MAPK10: variants seen among roughly 807,000 people sequenced by gnomAD.
MAPK10 encodes mitogen-activated protein kinase 10.
Under a neutral mutation model 59.3 loss-of-function variants are expected in MAPK10, and 25 were observed. The ratio of observed to expected loss-of-function variants is 0.42; its 90% CI spans 0.31 to 0.59. MAPK10 has a LOEUF of 0.59. Among genes scored for constraint, MAPK10 ranks in the 20% least tolerant of loss-of-function variants. The probability of loss-of-function intolerance (pLI) is 0.15; values close to 1 mark genes in which losing one functional copy is unlikely to be tolerated. For missense variants in MAPK10, 351 were observed against 568.9 expected (o/e 0.62, Z 3.90); for synonymous variants, 190 against 200.5 (o/e 0.95, Z 0.44).
intron 2 of MAPK10, among the ~76,000 whole-genome samples, chr4:86,300,315 C>T (rs879813768): frequency 1.2e-4 from 18 of 152,160 alleles, no homozygotes; most frequent in Admixed American, 1.2e-3. Flanking sequence ...GATCAGTATT[C>T]CCTTCTTAAT....
chr4:86,408,362 C>A (rs979195067), intron 1 of MAPK10, among the ~76,000 whole-genome samples: 2 of 152,126 alleles, frequency 1.3e-5, no homozygotes, highest in African/African-American at 2.4e-5. Flanking sequence ...AATAAACATA[C>A]ATGTGCACAT....
chr4:86,431,014 T>C (rs1383311066), intron 1 of MAPK10, among the ~76,000 whole-genome samples: 4 of 151,098 alleles, frequency 2.6e-5, no homozygotes, highest in Admixed American at 2.0e-4. Flanking sequence ...AAGAAGGCTA[T>C]TGCAATGGCT....
chr4:86,029,931 ATGCTAGAGTTAAATTGGATAGTTTCAGT>A (rs2038583066), intron 12 of MAPK10, among the ~76,000 whole-genome samples: 3 of 151,876 alleles, frequency 2.0e-5, no homozygotes, highest in Admixed American at 2.0e-4. Context: ...GGCTTTCTGA[ATGCTAGAGTTAAATTGGATAGTTTCAGT>A]TCTGTTTACT....
chr4:86,071,892 T>C (rs1206828101), intron 9 of MAPK10, among the ~76,000 whole-genome samples: 12 of 137,886 alleles, frequency 8.7e-5, no homozygotes, highest in Non-Finnish European at 1.7e-4. Context: ...TTTGGTTCCA[T>C]ATGAACTTTA....
At chr4:86,464,047 A>C (rs1579307003) in intron 1 of MAPK10, among the ~76,000 whole-genome samples, 1 of 152,328 alleles carries the variant, frequency 6.6e-6, no homozygotes, top group Middle Eastern at 3.4e-3. Context: ...GGGAGAACTC[A>C]GATTGTTAAA....
chr4:86,059,420 A>G (rs564324855), intron 11 of MAPK10, among the ~76,000 whole-genome samples: 18 of 152,366 alleles, frequency 1.2e-4, no homozygotes, highest in East Asian at 9.6e-4. Flanking sequence ...TACATTATAA[A>G]CAAACAGTAA....
At chr4:86,507,173 T>C (rs1479406154) in intron 1 of MAPK10, among the ~76,000 whole-genome samples, 2 of 151,348 alleles carry the variant, frequency 1.3e-5, no homozygotes, top group Non-Finnish European at 2.9e-5. Flanking sequence ...CCAATAAAAA[T>C]AGATTAAAAG....
rs770222842 is a variant in MAPK10 at position 86,194,383 on chromosome 4, A to G, written c.19T>C (p.Tyr7His). 2.2e-5 allele frequency: 36 copies of G among 1,611,230 alleles called. No individual in the cohort carries two copies. The Middle Eastern group carries it at 1.3e-3, about 59-fold the overall frequency. Residue 7 changes from tyrosine to histidine, a missense_variant, in exon 3 of 14, where the codon TAC (tyrosine) becomes CAC (histidine). Transcript: ENST00000641462. Reference protein sequence around the residue: MSLHFLYYCSEPTLDVK... With the variant: MSLHFLHYCSEPTLDVK... ...TCCAATGTTGGTTCACTGCAGTAGT[A>G]TAAGAAATGGAGGCTCATAAATACC...
At chr4:86,365,431 C>CAAAAAAAATAAAAAA (rs1737692473) in intron 1 of MAPK10, among the ~76,000 whole-genome samples, 2 of 32,438 alleles carry the variant, frequency 6.2e-5, no homozygotes, top group African/African-American at 1.2e-4. Context: ...GACTCTGTCT[C>CAAAAAAAATAAAAAA]AAAAAAAAAA....
At chr4:86,220,996 T>G (rs2089397503) in intron 2 of MAPK10, among the ~76,000 whole-genome samples, 1 of 150,060 alleles carries the variant, frequency 6.7e-6, no homozygotes, top group African/African-American at 2.5e-5. Context: ...ATGAACATCT[T>G]TTGGTACGTT....
intron 2 of MAPK10, among the ~76,000 whole-genome samples, chr4:86,349,075 G>A (rs184643111): frequency 1.3e-5 from 2 of 152,264 alleles, no homozygotes; most frequent in Admixed American, 1.3e-4. Context: ...GTTTGTTTAG[G>A]AAAGTAAGGC....
rs1335256166 is a variant in MAPK10, at chr4:86,074,555, C to T, written c.803-6600G>A. ...ACTGGTTGTTCCTTTCCATGTTTAG[C>T]GCTTCCTTCAGGAGCTCTTTTAGGG... is the stretch of plus-strand genomic sequence containing the variant. On this transcript the variant is annotated intron_variant, in intron 9 of 13. Coordinates refer to ENST00000641462, the MANE Select transcript of MAPK10 (RefSeq NM_138982.4). Among the ~76,000 whole-genome samples, 63 of 126,662 alleles carry T rather than the reference C, an allele frequency of 5.0e-4. 1 individual carries two copies. Among genetic ancestry groups the T allele is most frequent in the Admixed American group, 4.2e-3 (57 of 13,464 alleles). The allele number at this position is 126,662 out of a possible 152,430, so 83.1% of individuals were successfully genotyped here. A position where few individuals can be genotyped will look rare whatever the true frequency, so the allele number is the denominator to read the frequency against.
At chr4:86,298,105 T>C (rs1317721543) in intron 2 of MAPK10, among the ~76,000 whole-genome samples, 1 of 152,202 alleles carries the variant, frequency 6.6e-6, no homozygotes, top group Non-Finnish European at 1.5e-5. Flanking sequence ...GTAAGACTCT[T>C]GGATGTCCAT....
intron 1 of MAPK10, among the ~76,000 whole-genome samples, chr4:86,571,679 A>G (rs1266034301): frequency 6.6e-6 from 1 of 152,130 alleles, no homozygotes; most frequent in African/African-American, 2.4e-5. Context: ...GAAATCAAGG[A>G]GAGAAAAGAC....
At chr4:86,589,778 G>A (rs1762894378) in intron 1 of MAPK10, among the ~76,000 whole-genome samples, 1 of 151,424 alleles carries the variant, frequency 6.6e-6, no homozygotes, top group African/African-American at 2.4e-5. Context: ...AGCCAGAATC[G>A]TTTACAAAGA....
intron 2 of MAPK10, among the ~76,000 whole-genome samples, chr4:86,304,203 G>T (rs1186489394): frequency 6.6e-6 from 1 of 152,088 alleles, no homozygotes; most frequent in Non-Finnish European, 1.5e-5. Flanking sequence ...GGAATTTGGG[G>T]CCAAATTGTG....
At chr4:86,509,383 C>T (rs1219427906) in intron 1 of MAPK10, among the ~76,000 whole-genome samples, 1 of 151,396 alleles carries the variant, frequency 6.6e-6, no homozygotes, top group Admixed American at 6.6e-5. Flanking sequence ...AAATCTTGAA[C>T]TTAGCGCAAT....
chr4:86,174,238 G>A (rs1417897807), intron 3 of MAPK10, among the ~76,000 whole-genome samples: 2 of 152,144 alleles, frequency 1.3e-5, no homozygotes, highest in Non-Finnish European at 2.9e-5. Flanking sequence ...ATTAATAATA[G>A]ACTGGATAAA....
chr4:86,043,584 T>C (rs1316321975), intron 11 of MAPK10, among the ~76,000 whole-genome samples: 1 of 152,194 alleles, frequency 6.6e-6, no homozygotes, highest in Non-Finnish European at 1.5e-5. Context: ...CTTTGATTCT[T>C]TGTTCTTTGA....
Sources: allele counts gnomAD v4.1 joint callset (sites outside exome capture counted in the v4.1 genomes callset), GRCh38; gene constraint gnomAD v4.1.1; transcripts MANE v1.5; gene names NCBI Gene and HGNC (gene_info 2026-07-23, HGNC 2026-07-21).